Variants in CDH18 observed in about 807,000 individuals in gnomAD.
CDH18 encodes cadherin-18.
Under a neutral mutation model 67.9 loss-of-function variants are expected in CDH18, and 31 were observed. That is an observed-to-expected ratio of 0.46 (90% CI 0.34 to 0.62). The LOEUF (loss-of-function observed/expected upper bound fraction) is 0.62. CDH18 is among the 20% of genes least tolerant of loss of function. The pLI, the probability that CDH18 is intolerant of heterozygous loss-of-function variation, is 0.01. For missense variants in CDH18, 890 were observed against 975.5 expected (o/e 0.91, Z 1.17); for synonymous variants, 362 against 347.2 (o/e 1.04, Z -0.48).
intron 1 of CDH18, among the ~76,000 whole-genome samples, chr5:20,498,935 G>A (rs1413942659): frequency 1.3e-5 from 2 of 151,446 alleles, no homozygotes; most frequent in Admixed American, 1.3e-4. Flanking sequence ...TAAATATCTG[G>A]TTATAGAAGC....
intron 2 of CDH18, among the ~76,000 whole-genome samples, chr5:20,086,533 C>T (rs1169359798): frequency 6.6e-6 from 1 of 152,156 alleles, no homozygotes; most frequent in East Asian, 1.9e-4. Context: ...TTCAAAGCTT[C>T]AAAGTACAGG....
At chr5:20,464,137 A>G (rs1026061564) in intron 1 of CDH18, among the ~76,000 whole-genome samples, 1 of 152,128 alleles carries the variant, frequency 6.6e-6, no homozygotes, top group African/African-American at 2.4e-5. Flanking sequence ...ACACACAAAA[A>G]ACTCAAGTTT....
At chr5:20,538,910 T>TTG (rs1554016305) in intron 1 of CDH18, among the ~76,000 whole-genome samples, 2 of 123,720 alleles carry the variant, frequency 1.6e-5, no homozygotes, top group African/African-American at 7.1e-5. Flanking sequence ...TTTTTTTTTG[T>TTG]TTTTTTTTTT....
chr5:19,773,964 T>TG, intron 3 of CDH18, among the ~76,000 whole-genome samples: 1 of 152,140 alleles, frequency 6.6e-6, no homozygotes, highest in Admixed American at 6.5e-5. Context: ...AAGGAAAGAA[T>TG]GGGAAAAACA....
intron 3 of CDH18, among the ~76,000 whole-genome samples, chr5:19,837,616 G>A (rs986477524): frequency 2.0e-5 from 3 of 151,876 alleles, no homozygotes; most frequent in Admixed American, 6.6e-5. Flanking sequence ...CTTTTTTTAT[G>A]TTCTATATTC....
intron 9 of CDH18, among the ~76,000 whole-genome samples, chr5:19,523,245 A>G (rs1237036140): frequency 1.3e-5 from 2 of 152,178 alleles, no homozygotes; most frequent in East Asian, 3.8e-4. Flanking sequence ...ATATTTTGGG[A>G]AAAATGGTTA....
At chr5:20,448,109 G>A (rs1008496796) in intron 1 of CDH18, among the ~76,000 whole-genome samples, 1 of 150,928 alleles carries the variant, frequency 6.6e-6, no homozygotes, top group African/African-American at 2.4e-5. Flanking sequence ...ATATCCAAGC[G>A]CTCTCGTTCA....
At chr5:19,913,914 C>T (rs1791436818) in intron 2 of CDH18, among the ~76,000 whole-genome samples, 1 of 151,994 alleles carries the variant, frequency 6.6e-6, no homozygotes, top group South Asian at 2.1e-4. Flanking sequence ...GCAAAACTAC[C>T]TTCATGTGCA....
intron 5 of CDH18, among the ~76,000 whole-genome samples, chr5:19,628,916 T>C (rs980280183): frequency 2.0e-5 from 3 of 150,782 alleles, no homozygotes; most frequent in African/African-American, 7.4e-5. Flanking sequence ...CCACTGATCA[T>C]TCAGAAAGAA....
intron 2 of CDH18, among the ~76,000 whole-genome samples, chr5:20,213,624 A>G (rs1051866378): frequency 3.3e-5 from 5 of 151,992 alleles, no homozygotes; most frequent in African/African-American, 9.7e-5. Context: ...TGTGTCCAGG[A>G]ATTTATCCAG....
chr5:20,332,544 G>A (rs1354525085), intron 1 of CDH18, among the ~76,000 whole-genome samples: 1 of 152,118 alleles, frequency 6.6e-6, no homozygotes, highest in Non-Finnish European at 1.5e-5. Flanking sequence ...GAATGCTATG[G>A]ACAGGTTTTT....
chr5:19,670,534 A>G (rs1464202900), intron 5 of CDH18, among the ~76,000 whole-genome samples: 1 of 152,176 alleles, frequency 6.6e-6, no homozygotes, highest in Non-Finnish European at 1.5e-5. Flanking sequence ...AATATTGAAG[A>G]ATTGTTTAAG....
At chr5:20,118,239 G>A (rs1345914466) in intron 2 of CDH18, among the ~76,000 whole-genome samples, 1 of 152,054 alleles carries the variant, frequency 6.6e-6, no homozygotes, top group Admixed American at 6.6e-5. Context: ...CAGCAGTAAA[G>A]GAATTATGTG....
intron 2 of CDH18, among the ~76,000 whole-genome samples, chr5:20,068,456 C>G (rs1189358186): frequency 6.6e-6 from 1 of 151,970 alleles, no homozygotes; most frequent in African/African-American, 2.4e-5. Flanking sequence ...GGCCAGGAAA[C>G]TGGTGAACAT....
intron 1 of CDH18, among the ~76,000 whole-genome samples, chr5:20,285,859 TAAGTAA>T (rs901310265): frequency 7.3e-5 from 11 of 151,720 alleles, no homozygotes; most frequent in African/African-American, 2.7e-4. Context: ...TTGAGTGCCC[TAAGTAA>T]AAGTGGGAGT....
intron 1 of CDH18, among the ~76,000 whole-genome samples, chr5:20,306,694 T>C (rs1328852472): frequency 6.7e-6 from 1 of 149,958 alleles, no homozygotes; most frequent in Admixed American, 6.6e-5. Context: ...TCCAGAGTCC[T>C]GCTAAGGGGA....
intron 2 of CDH18, among the ~76,000 whole-genome samples, chr5:20,074,339 C>A (rs1349062617): frequency 6.6e-6 from 1 of 151,986 alleles, no homozygotes; most frequent in African/African-American, 2.4e-5. Context: ...TTTAACAGTT[C>A]GGGATGGCAC....
intron 7 of CDH18, among the ~76,000 whole-genome samples, chr5:19,573,165 CATT>C (rs1185877119): frequency 1.3e-5 from 2 of 152,074 alleles, no homozygotes; most frequent in East Asian, 1.9e-4. Flanking sequence ...ATGACACAAA[CATT>C]ATGAATTTCA....
At chr5:20,159,446 C>T (rs1193304546) in intron 2 of CDH18, among the ~76,000 whole-genome samples, 1 of 152,126 alleles carries the variant, frequency 6.6e-6, no homozygotes, top group East Asian at 1.9e-4. Flanking sequence ...AGCACATGAG[C>T]CAATCCAACA....
Sources: gnomAD v4.1 joint callset for allele counts (sites outside exome capture counted in the v4.1 genomes callset) on GRCh38, gnomAD v4.1.1 for gene constraint, MANE v1.5 for transcripts, NCBI Gene and HGNC (gene_info 2026-07-23, HGNC 2026-07-21) for gene names.